Variants in SPAG16 observed in about 807,000 individuals in gnomAD.
SPAG16 encodes the protein sperm-associated antigen 16 protein.
Under a neutral mutation model 80.4 loss-of-function variants are expected in SPAG16, and 86 were observed. The ratio of observed to expected loss-of-function variants is 1.07; its 90% CI spans 0.90 to 1.28. The LOEUF (loss-of-function observed/expected upper bound fraction) is 1.28. Ranked by LOEUF, SPAG16 falls within the 50% of genes most tolerant of loss-of-function variation. The pLI, the probability that SPAG16 is intolerant of heterozygous loss-of-function variation, is 0.00. For missense variants in SPAG16, 870 were observed against 765.3 expected, an observed-to-expected ratio of 1.14 and a Z score of -1.61; for synonymous variants, 294 against 265.9, an observed-to-expected ratio of 1.11 and a Z score of -1.03.
intron 1 of SPAG16, 63 bp downstream of exon 1, chr2:213,284,682 G>C: frequency 6.5e-7 from 1 of 1,535,464 alleles, no homozygotes; most frequent in East Asian, 2.3e-5. Context: ...GGACGAAGGC[G>C]AGGGCCTCCC....
At chr2:214,334,115 T>C (rs1212601978) in intron 15 of SPAG16, among the ~76,000 whole-genome samples, 3 of 152,186 alleles carry the variant, frequency 2.0e-5, no homozygotes, top group Non-Finnish European at 2.9e-5. Flanking sequence ...CCTGTAGGGC[T>C]GAGGGATACA....
chr2:213,913,399 A>G (rs1334229762), intron 11 of SPAG16, among the ~76,000 whole-genome samples: 2 of 152,030 alleles, frequency 1.3e-5, no homozygotes, highest in Non-Finnish European at 2.9e-5. Context: ...ACGTTTCTCT[A>G]GGGCATCAGT....
Position 214,062,863 on chromosome 2 carries a change from G to A in SPAG16, c.1528-45333G>A, listed in dbSNP as rs188383506. On this transcript the variant is annotated intron_variant, in intron 13 of 15. Transcript: ENST00000331683. ...TGATCTGCTCCTCCGCTTTTCTTCT[G>A]ACAACATCTCCTATGATTCTCCTAG... Among the ~76,000 whole-genome samples the A allele has an allele frequency of 1.6e-3, 241 of 151,946 alleles. 1 individual carries two copies. The highest frequency in any genetic ancestry group is 2.6e-3 in the Non-Finnish European group (175 of 67,996).
chr2:213,973,414 C>G (rs1180745410), intron 12 of SPAG16, among the ~76,000 whole-genome samples: 2 of 151,986 alleles, frequency 1.3e-5, no homozygotes, highest in Non-Finnish European at 2.9e-5. Flanking sequence ...GAAACAGAAA[C>G]AAGAACATTA....
intron 10 of SPAG16, among the ~76,000 whole-genome samples, chr2:213,594,483 A>G (rs1226830061): frequency 6.6e-6 from 1 of 152,084 alleles, no homozygotes; most frequent in African/African-American, 2.4e-5. Context: ...CTGTTGTTTC[A>G]TGCATTTGTG....
intron 9 of SPAG16, among the ~76,000 whole-genome samples, chr2:213,388,498 A>AG (rs2067567567): frequency 6.6e-6 from 1 of 152,210 alleles, no homozygotes; most frequent in African/African-American, 2.4e-5. Flanking sequence ...GGATAGGTGG[A>AG]GGCTCAGAAA....
At chr2:214,287,126 A>G (rs995469040) in intron 15 of SPAG16, among the ~76,000 whole-genome samples, 2 of 152,210 alleles carry the variant, frequency 1.3e-5, no homozygotes, top group African/African-American at 4.8e-5. Context: ...TCCTCCTTGC[A>G]TATTTAGCAA....
At chr2:213,884,169 T>C (rs1008671822) in intron 11 of SPAG16, among the ~76,000 whole-genome samples, 1 of 152,146 alleles carries the variant, frequency 6.6e-6, no homozygotes, top group Non-Finnish European at 1.5e-5. Context: ...CACATTTAGC[T>C]TTCCCTTAAG....
chr2:214,012,132 T>A (rs2047309776), intron 12 of SPAG16, among the ~76,000 whole-genome samples: 1 of 150,964 alleles, frequency 6.6e-6, no homozygotes, highest in African/African-American at 2.4e-5. Flanking sequence ...TTGCAGAGTT[T>A]TGCCCACTAC....
intron 15 of SPAG16, among the ~76,000 whole-genome samples, chr2:214,339,655 CTG>C (rs1212860503): frequency 1.3e-5 from 2 of 152,134 alleles, no homozygotes; most frequent in Non-Finnish European, 2.9e-5. Context: ...CCTATTTTAT[CTG>C]TCATTTCCTG....
At chr2:213,407,664 GGGAGAGAGACAGAGA>G (rs1299068006) in intron 9 of SPAG16, among the ~76,000 whole-genome samples, 10 of 148,484 alleles carry the variant, frequency 6.7e-5, no homozygotes, top group Admixed American at 6.0e-4. Flanking sequence ...GAGAGAGAGG[GGGAGAGAGACAGAGA>G]GGAGAGAGAC....
intron 11 of SPAG16, among the ~76,000 whole-genome samples, chr2:213,874,494 C>A (rs1008149761): frequency 6.6e-6 from 1 of 151,994 alleles, no homozygotes; most frequent in African/African-American, 2.4e-5. Context: ...ATCACTTTGG[C>A]CCACTTCCAC....
intron 10 of SPAG16, among the ~76,000 whole-genome samples, chr2:213,497,908 A>C (rs1409933613): frequency 6.6e-6 from 1 of 152,142 alleles, no homozygotes; most frequent in Non-Finnish European, 1.5e-5. Flanking sequence ...TATAGAAAGC[A>C]TCTCTCACTC....
intron 10 of SPAG16, among the ~76,000 whole-genome samples, chr2:213,651,931 A>G (rs2063038044): frequency 1.3e-5 from 2 of 152,148 alleles, no homozygotes; most frequent in South Asian, 4.1e-4. Flanking sequence ...AAATTTCTGC[A>G]TTTCTATTGG....
intron 9 of SPAG16, among the ~76,000 whole-genome samples, chr2:213,467,765 C>T (rs544343701): frequency 6.6e-6 from 1 of 152,348 alleles, no homozygotes; most frequent in African/African-American, 2.4e-5. Context: ...CAGTGACCTG[C>T]ATCTCTGGGG....
At chr2:213,784,732 G>A (rs1165379736) in intron 10 of SPAG16, among the ~76,000 whole-genome samples, 1 of 149,660 alleles carries the variant, frequency 6.7e-6, no homozygotes, top group Non-Finnish European at 1.5e-5. Context: ...GAAAAGAGAA[G>A]CACATGTCCT....
chr2:214,208,048 G>C (rs998044704), intron 15 of SPAG16, among the ~76,000 whole-genome samples: 10 of 152,164 alleles, frequency 6.6e-5, no homozygotes, highest in African/African-American at 2.4e-4. Flanking sequence ...TCAGTTTGCA[G>C]ACTGCTTATT....
intron 10 of SPAG16, among the ~76,000 whole-genome samples, chr2:213,628,598 A>G (rs1003440242): frequency 1.2e-4 from 19 of 152,160 alleles, no homozygotes; most frequent in African/African-American, 4.6e-4. Context: ...ACATATCATC[A>G]CAACTTGGAT....
At chr2:214,046,320 G>A (rs1338014317) in intron 13 of SPAG16, among the ~76,000 whole-genome samples, 1 of 152,070 alleles carries the variant, frequency 6.6e-6, no homozygotes, top group Non-Finnish European at 1.5e-5. Flanking sequence ...CCAAAAATAT[G>A]TGAAGATGGA....
Sources: allele counts gnomAD v4.1 joint callset (sites outside exome capture counted in the v4.1 genomes callset), GRCh38; gene constraint gnomAD v4.1.1; transcripts MANE v1.5; gene names NCBI Gene and HGNC (gene_info 2026-07-23, HGNC 2026-07-21).